CBLN2: variants seen among roughly 807,000 people sequenced by gnomAD.
The protein encoded by CBLN2 is cerebellin-2.
In CBLN2, 7 loss-of-function variants were observed where a neutral mutation model predicts 15.0. That is an observed-to-expected ratio of 0.47 (90% confidence interval 0.27 to 0.88). The LOEUF is 0.88. CBLN2 is among the 40% of genes least tolerant of loss of function. The pLI is 0.14. For missense variants in CBLN2, 242 were observed against 304.5 expected (o/e 0.79, Z 1.53); for synonymous variants, 149 against 135.2 (o/e 1.10, Z -0.71).
intron 1 of CBLN2, among the ~76,000 whole-genome samples, chr18:72,625,806 C>CTATA (rs1215798348): frequency 2.5e-4 from 15 of 59,798 alleles, no homozygotes; most frequent in East Asian, 1.7e-3. Context: ...CTCTCTCTCT[C>CTATA]TCTCTCTCTC....
intron 1 of CBLN2, among the ~76,000 whole-genome samples, chr18:72,632,129 C>A (rs1240754569): frequency 6.6e-6 from 1 of 151,888 alleles, no homozygotes; most frequent in Non-Finnish European, 1.5e-5. Context: ...CAAAAACAAT[C>A]ATAATTTACT....
chr18:72,543,781 C>A lies in CBLN2; in HGVS notation c.-212+196G>T, dbSNP rs1195935764. 6.6e-6 allele frequency among the ~76,000 whole-genome samples: 1 copy of A among 151,854 alleles called. No individual in the cohort carries two copies. The highest frequency in any genetic ancestry group is 2.4e-5 in the African/African-American group (1 of 41,402). On this transcript the variant is annotated intron_variant, in intron 1 of 4. Transcript: ENST00000269503. This position sits in a 1 kb window ranked among gnomAD's most constrained non-coding sequence, Gnocchi z 6.8. ...AGGTGCCTCCAACCCCTGGGCTTCG[C>A]GCCCGCACCGCTGCCTGGGGCCCCT...
chr18:72,611,043 G>T (rs2069618456), intron 1 of CBLN2, among the ~76,000 whole-genome samples: 1 of 152,134 alleles, frequency 6.6e-6, no homozygotes, highest in South Asian at 2.1e-4. Context: ...ACCTCCAGCT[G>T]CATCCATGTT....
intron 1 of CBLN2, among the ~76,000 whole-genome samples, chr18:72,555,297 T>C (rs1359306274): frequency 6.6e-6 from 1 of 152,176 alleles, no homozygotes; most frequent in Non-Finnish European, 1.5e-5. Flanking sequence ...TGCATGCATC[T>C]ACTTTCAATA....
At chr18:72,550,473 A>C (rs1190218839) in intron 1 of CBLN2, among the ~76,000 whole-genome samples, 1 of 152,186 alleles carries the variant, frequency 6.6e-6, no homozygotes, top group Non-Finnish European at 1.5e-5. Flanking sequence ...GAGAGAGCTC[A>C]GTTTAAGGGC....
At chr18:72,625,816 CTCTATAT>C (rs2069734830) in intron 1 of CBLN2, among the ~76,000 whole-genome samples, 1 of 61,626 alleles carries the variant, frequency 1.6e-5, no homozygotes, top group African/African-American at 6.4e-5. Context: ...CTCTCTCTCT[CTCTATAT>C]ATATATATAT....
chr18:72,576,112 T>C (rs1286754075), intron 1 of CBLN2, among the ~76,000 whole-genome samples: 2 of 152,216 alleles, frequency 1.3e-5, no homozygotes, highest in Non-Finnish European at 2.9e-5. Flanking sequence ...AACATTAAAC[T>C]AAAACTCCGC....
At chr18:72,631,400 T>C (rs958652414) in intron 1 of CBLN2, among the ~76,000 whole-genome samples, 18 of 151,560 alleles carry the variant, frequency 1.2e-4, no homozygotes, top group Admixed American at 8.6e-4. Flanking sequence ...ATAGGTGCTC[T>C]ATAGTTATTA....
At chr18:72,618,686 G>A (rs1163824096) in intron 1 of CBLN2, 37 of 747,270 alleles carry the variant, frequency 5.0e-5, no homozygotes, top group Non-Finnish European at 7.4e-5. Flanking sequence ...ACCGACTGAG[G>A]CAGTGGCAAG....
At chr18:72,586,409 C>T (rs143952199) in intron 1 of CBLN2, among the ~76,000 whole-genome samples, 1 of 152,116 alleles carries the variant, frequency 6.6e-6, no homozygotes, top group African/African-American at 2.4e-5. Flanking sequence ...TCTTTACCAA[C>T]ACTGTTATGT....
At chr18:72,629,921 C>T (rs1232336800) in intron 1 of CBLN2, among the ~76,000 whole-genome samples, 5 of 152,024 alleles carry the variant, frequency 3.3e-5, no homozygotes, top group South Asian at 4.1e-4. Flanking sequence ...TCCAGAGATA[C>T]TGGAAATCCA....
chr18:72,572,036 A>G (rs1160914032), intron 1 of CBLN2, among the ~76,000 whole-genome samples: 3 of 152,212 alleles, frequency 2.0e-5, no homozygotes, highest in African/African-American at 7.2e-5. Context: ...TTTAACATTG[A>G]GACTGTGCTC....
upstream of CBLN2, among the ~76,000 whole-genome samples, chr18:72,545,687 C>T (rs1453451278): frequency 6.6e-6 from 1 of 152,138 alleles, no homozygotes; most frequent in Non-Finnish European, 1.5e-5. Context: ...TAAGTGTAAG[C>T]ATAGATAGCA....
intron 3 of CBLN2, chr18:72,540,415 T>G (rs1487268597): frequency 6.6e-6 from 1 of 152,220 alleles, no homozygotes; most frequent in African/African-American, 2.4e-5. Context: ...AGAATCCTGC[T>G]ACTACTTATC....
chr18:72,565,142 A>T (rs948918608), intron 1 of CBLN2, among the ~76,000 whole-genome samples: 2 of 152,204 alleles, frequency 1.3e-5, no homozygotes, highest in African/African-American at 4.8e-5. Context: ...TTAAGGAAGT[A>T]CTTTAACTGA....
intron 3 of CBLN2, chr18:72,540,397 A>G (rs1488062772): frequency 2.0e-5 from 3 of 152,220 alleles, no homozygotes; most frequent in African/African-American, 7.2e-5. Context: ...TTGCTCATGT[A>G]TAAAATTAGA....
chr18:72,559,309 C>G (rs2069245586), intron 1 of CBLN2, among the ~76,000 whole-genome samples: 1 of 152,150 alleles, frequency 6.6e-6, no homozygotes, highest in Admixed American at 6.5e-5. Flanking sequence ...GTGAAAAGAA[C>G]AATTTCTCTG....
rs542627238 is a variant in CBLN2, at chr18:72,635,658, T to C, written c.15+2667A>G. ...ATTATTTTAAAATCAAGTAAAATAT[T>C]TAGAGAGTTTGAAAACAACAAAATT... On this transcript the variant is annotated intron_variant, in intron 1 of 2. Transcript: ENST00000581073. 2.0e-5 allele frequency among the ~76,000 whole-genome samples: 3 copies of C among 152,224 alleles called. No individual in the cohort carries two copies. The South Asian group carries it at 6.2e-4, about 32-fold the overall frequency.
At position 72,541,769 on chromosome 18, in the gene CBLN2, G is replaced by C. The variant is rs576878913; in HGVS notation, c.357+35C>G. The stretch of plus-strand genomic sequence containing the variant: ...CGCGCAGGTCCCCGCCCCTCTCCCC[G>C]GGCTGGGGGCGGGGTGGGCAGGCCG... On this transcript the variant is annotated intron_variant, in intron 3 of 4. Transcript: ENST00000269503. 1.6e-4 allele frequency: 236 copies of C among 1,494,480 alleles called. 5 individuals are homozygous for C. The South Asian group carries it at 3.0e-3, about 19-fold the overall frequency. 92.6% of individuals were successfully genotyped at this position (1,494,480 alleles called of 1,614,324 possible). A position where few individuals can be genotyped will look rare whatever the true frequency, so the allele number is the denominator to read the frequency against.
Sources: gnomAD v4.1 joint callset for allele counts (sites outside exome capture counted in the v4.1 genomes callset) on GRCh38, gnomAD v4.1.1 for gene constraint, Gnocchi (gnomAD v3.1) non-coding constraint, MANE v1.5 for transcripts, NCBI Gene and HGNC (gene_info 2026-07-23, HGNC 2026-07-21) for gene names.